LPAR6: variants seen among roughly 807,000 people sequenced by gnomAD.
LPAR6 encodes G-protein coupled purinergic receptor P2Y5.
Under a neutral mutation model 22.0 loss-of-function variants are expected in LPAR6, and 17 were observed. That is an observed-to-expected ratio of 0.77 (90% CI 0.53 to 1.16). The LOEUF (loss-of-function observed/expected upper bound fraction) is 1.16. LPAR6 is among the 50% of genes most tolerant of loss of function. LPAR6 has a pLI of 0.00. For synonymous variants in LPAR6, 136 were observed against 139.8 expected (o/e 0.97, Z 0.19); for missense variants, 384 against 406.9 (o/e 0.94, Z 0.48).
chr13:48,407,238 G>T (rs1948748460), downstream of LPAR6, among the ~76,000 whole-genome samples: 3 of 152,088 alleles, frequency 2.0e-5, no homozygotes, highest in Non-Finnish European at 4.4e-5. Context: ...TTAAATTTTT[G>T]AATTATACCC....
chr13:48,397,937 G>A (rs1948661441), intron 1 of LPAR6, among the ~76,000 whole-genome samples: 1 of 152,148 alleles, frequency 6.6e-6, no homozygotes, highest in African/African-American at 2.4e-5. Context: ...CTTTGCAGAA[G>A]TATTTTAAGT....
At chr13:48,433,441 A>G (rs1949150400) in intron 1 of LPAR6, among the ~76,000 whole-genome samples, 1 of 152,162 alleles carries the variant, frequency 6.6e-6, no homozygotes, top group Non-Finnish European at 1.5e-5. Flanking sequence ...CTTGCTTTGT[A>G]ACTTAAAAGA....
upstream of LPAR6, among the ~76,000 whole-genome samples, chr13:48,414,223 T>C (rs1948868732): frequency 6.6e-6 from 1 of 151,908 alleles, no homozygotes; most frequent in Non-Finnish European, 1.5e-5. Context: ...AGTGCGTGCC[T>C]GTAGTCCCAG....
At chr13:48,419,186 C>G (rs1187718615) in intron 2 of LPAR6, among the ~76,000 whole-genome samples, 1 of 152,142 alleles carries the variant, frequency 6.6e-6, no homozygotes, top group African/African-American at 2.4e-5. Context: ...ATAACACAGT[C>G]TCTGAGACCT....
intron 1 of LPAR6, among the ~76,000 whole-genome samples, chr13:48,403,946 AGCCGTGACTGCACTACT>A (rs1433378259): frequency 6.6e-6 from 1 of 152,106 alleles, no homozygotes; most frequent in African/African-American, 2.4e-5. Flanking sequence ...GGCTGCAGGG[AGCCGTGACTGCACTACT>A]GCATTCCAGT....
chr13:48,414,347 A>G (rs2138212785), upstream of LPAR6, among the ~76,000 whole-genome samples: 1 of 151,980 alleles, frequency 6.6e-6, no homozygotes, highest in East Asian at 1.9e-4. Context: ...TATCTCAAAA[A>G]AAAAAAAAAA....
chr13:48,397,376 C>T (rs1948656830), intron 1 of LPAR6, among the ~76,000 whole-genome samples: 2 of 152,098 alleles, frequency 1.3e-5, no homozygotes, highest in African/African-American at 2.4e-5. Flanking sequence ...CCATCATTCT[C>T]AGCAAACTAA....
intron 1 of LPAR6, among the ~76,000 whole-genome samples, chr13:48,393,856 T>C (rs1948628808): frequency 6.6e-6 from 1 of 152,228 alleles, no homozygotes; most frequent in African/African-American, 2.4e-5. Context: ...GATTCTGTCA[T>C]ACTCTTTTTC....
intron 1 of LPAR6, among the ~76,000 whole-genome samples, chr13:48,394,867 A>G (rs1396442384): frequency 6.6e-6 from 1 of 152,232 alleles, no homozygotes; most frequent in Non-Finnish European, 1.5e-5. Flanking sequence ...AGAGAGCAGC[A>G]GATCTCCCAG....
chr13:48,392,659 A>G (rs768491385), intron 1 of LPAR6, among the ~76,000 whole-genome samples: 2 of 152,068 alleles, frequency 1.3e-5, no homozygotes, highest in African/African-American at 2.4e-5. Flanking sequence ...CTTCTTGAAC[A>G]TATGGGATAT....
At chr13:48,430,249 A>G (rs552040348), upstream of LPAR6, among the ~76,000 whole-genome samples, 1 of 152,218 alleles carries the variant, frequency 6.6e-6, no homozygotes, top group Non-Finnish European at 1.5e-5. Context: ...TATCCACTTC[A>G]AATCAGTGGA....
At chr13:48,396,295 A>T (rs1948647687) in intron 1 of LPAR6, among the ~76,000 whole-genome samples, 2 of 152,208 alleles carry the variant, frequency 1.3e-5, no homozygotes, top group African/African-American at 4.8e-5. Flanking sequence ...GTACCAAAAA[A>T]GATAAATAAA....
intron 1 of LPAR6, among the ~76,000 whole-genome samples, chr13:48,436,468 C>G (rs986517090): frequency 6.6e-6 from 1 of 152,112 alleles, no homozygotes; most frequent in East Asian, 1.9e-4. Flanking sequence ...CATGGTGAAA[C>G]CTCATCTCTA....
Position 48,412,211 on chromosome 13 carries a change from G to A in LPAR6, c.213C>T (p.Pro71=), listed in dbSNP as rs930156750. The change falls in exon 1 of 1, where the codon CCC becomes CCT. Residue 71 remains proline (P), a synonymous_variant. Coordinates refer to ENST00000620633, the MANE Select transcript of LPAR6 (RefSeq NM_001162498.3). ...GTGTTGTGAAGTAAAAAATCCTGAA[G>A]GGTAAAGTAAAAACAAAAAGCAAGT... ...MSDLLFVFTL[P]FRIFYFTTRN... 2 of 1,613,918 alleles carry A rather than the reference G, an allele frequency of 1.2e-6. No homozygotes were observed. Among genetic ancestry groups the A allele is most frequent in the Middle Eastern group, 1.6e-4 (1 of 6,062 alleles).
intron 1 of LPAR6, among the ~76,000 whole-genome samples, chr13:48,443,565 C>T (rs1949258716): frequency 6.6e-6 from 1 of 152,054 alleles, no homozygotes. Context: ...TCAAATAAAA[C>T]CTTTTAAACT....
At chr13:48,429,394 C>T (rs571623427), upstream of LPAR6, 4 of 152,296 alleles carry the variant, frequency 2.6e-5, no homozygotes, top group Admixed American at 2.6e-4. Flanking sequence ...AGTTCTGCAT[C>T]AATATGGTGA....
chr13:48,401,766 TG>T (rs1394705810), intron 1 of LPAR6, among the ~76,000 whole-genome samples: 2 of 152,206 alleles, frequency 1.3e-5, no homozygotes, highest in Non-Finnish European at 2.9e-5. Flanking sequence ...AGGAAACAGC[TG>T]GATTTGTTTC....
chr13:48,428,538 A>G (rs1207316771), upstream of LPAR6, among the ~76,000 whole-genome samples: 1 of 152,238 alleles, frequency 6.6e-6, no homozygotes, highest in Non-Finnish European at 1.5e-5. Flanking sequence ...AAAATAGGAA[A>G]CTTGGTCCAT....
At chr13:48,429,252 A>T (rs1246106975), upstream of LPAR6, 1 of 152,262 alleles carries the variant, frequency 6.6e-6, no homozygotes, top group African/African-American at 2.4e-5. Context: ...GGGCAACGTA[A>T]GAAACTAGAA....
Sources: gnomAD v4.1 joint callset for allele counts (sites outside exome capture counted in the v4.1 genomes callset) on GRCh38, gnomAD v4.1.1 for gene constraint, MANE v1.5 for transcripts, NCBI Gene and HGNC (gene_info 2026-07-23, HGNC 2026-07-21) for gene names.